Variants in SOCS5 observed in about 807,000 individuals in gnomAD.
SOCS5 encodes the protein CIS-6.
In SOCS5, 32 loss-of-function variants were observed where a neutral mutation model predicts 42.8. That is an observed-to-expected ratio of 0.75 (90% CI 0.56 to 1.01). The LOEUF is 1.01. Among genes scored for constraint, SOCS5 ranks in the 50% least tolerant of loss-of-function variants. The probability of loss-of-function intolerance (pLI) is 0.00; values close to 1 mark genes in which losing one functional copy is unlikely to be tolerated. For missense variants in SOCS5, 627 were observed against 653.0 expected (o/e 0.96, Z 0.43); for synonymous variants, 283 against 229.6 (o/e 1.23, Z -2.10).
intron 1 of SOCS5, among the ~76,000 whole-genome samples, chr2:46,738,896 G>A (rs544532798): frequency 2.6e-5 from 4 of 152,194 alleles, no homozygotes; most frequent in African/African-American, 9.7e-5. Flanking sequence ...TTTGCTAGCA[G>A]TAAGTAAGAT....
chr2:46,729,282 T>C (rs1019844522), intron 1 of SOCS5, among the ~76,000 whole-genome samples: 3 of 152,194 alleles, frequency 2.0e-5, no homozygotes, highest in Non-Finnish European at 4.4e-5. Context: ...AAAATATAAA[T>C]ACTGTGACTT....
intron 1 of SOCS5, among the ~76,000 whole-genome samples, chr2:46,730,638 A>G: frequency 6.6e-6 from 1 of 152,144 alleles, no homozygotes; most frequent in Admixed American, 6.5e-5. Flanking sequence ...AATGGGTCCT[A>G]TTTCATACAA....
chr2:46,726,088 T>G (rs990281387), intron 1 of SOCS5, among the ~76,000 whole-genome samples: 1 of 152,130 alleles, frequency 6.6e-6, no homozygotes, highest in Middle Eastern at 3.2e-3. Flanking sequence ...TTGGGTTTAT[T>G]TAAAAATTTA....
chr2:46,749,607 A>G (rs1259469790), intron 1 of SOCS5, among the ~76,000 whole-genome samples: 1 of 152,208 alleles, frequency 6.6e-6, no homozygotes, highest in Non-Finnish European at 1.5e-5. Context: ...AGTGTACAGT[A>G]TCTATAGAGC....
chr2:46,749,307 A>G lies in SOCS5; in HGVS notation c.-12-9212A>G, dbSNP rs1572846197. Reference sequence around the variant, plus strand: ...ACATGCTTTGGATTGGTTGTATATCAGAAGCTATGATTTTTGTCGCCCTAT... The same window carrying G: ...ACATGCTTTGGATTGGTTGTATATCGGAAGCTATGATTTTTGTCGCCCTAT... On this transcript the variant is annotated intron_variant, in intron 1 of 1. Transcript: ENST00000394861. Among the ~76,000 whole-genome samples, 3 of 152,298 alleles carry G rather than the reference A, an allele frequency of 2.0e-5. No homozygotes were observed. In the Middle Eastern group the frequency reaches 0.01, roughly 518 times the overall value.
intron 1 of SOCS5, among the ~76,000 whole-genome samples, chr2:46,738,651 G>T (rs539533517): frequency 6.6e-6 from 1 of 152,290 alleles, no homozygotes; most frequent in Admixed American, 6.5e-5. Context: ...TGTATTTGAG[G>T]AGGTGAAAAT....
rs529693598 is a variant in SOCS5, at chr2:46,730,874, T to C, written c.-12-27645T>C. Among the ~76,000 whole-genome samples the C allele has an allele frequency of 4.6e-5, 7 of 152,302 alleles. No homozygotes were observed. The South Asian group carries it at 1.5e-3, about 32-fold the overall frequency. On this transcript the variant is annotated intron_variant, in intron 1 of 1. Transcript: ENST00000394861. ...TGAAGGTTAATTATGGACCATTGTC[T>C]CTTTTGTGTTACATTTTGGGGTCAG...
chr2:46,756,464 A>T (rs1356942139), intron 1 of SOCS5, among the ~76,000 whole-genome samples: 1 of 152,232 alleles, frequency 6.6e-6, no homozygotes, highest in African/African-American at 2.4e-5. Context: ...GATCCCTTCA[A>T]AAAACAGGCC....
chr2:46,703,013 G>A lies in SOCS5; in HGVS notation c.-13+3564G>A, dbSNP rs41373947. On this transcript the variant is annotated intron_variant, in intron 1 of 1. Coordinates refer to ENST00000394861, the MANE Select transcript of SOCS5 (RefSeq NM_144949.3). ...GCATCTTTGCCTTCTGTCACAATAT[G>A]TAACTTCTTATCTGTCATGCAAGAG... Among the ~76,000 whole-genome samples the A allele has an allele frequency of 1.5e-3, 233 of 152,212 alleles. 1 individual carries two copies. The highest frequency in any genetic ancestry group is 5.4e-3 in the African/African-American group (225 of 41,524).
chr2:46,716,110 CCT>C (rs1491398278), intron 1 of SOCS5, among the ~76,000 whole-genome samples: 3 of 107,220 alleles, frequency 2.8e-5, no homozygotes, highest in Non-Finnish European at 5.4e-5. Flanking sequence ...AGACACCCCC[CCT>C]TTTTTTTTTT....
chr2:46,757,802 G>T (rs934380955), intron 1 of SOCS5, among the ~76,000 whole-genome samples: 4 of 152,058 alleles, frequency 2.6e-5, no homozygotes, highest in African/African-American at 9.7e-5. Context: ...GGATGTGGAG[G>T]TTGCAGTGAG....
At chr2:46,753,537 G>A (rs1362095177) in intron 1 of SOCS5, among the ~76,000 whole-genome samples, 4 of 152,078 alleles carry the variant, frequency 2.6e-5, no homozygotes, top group Admixed American at 2.6e-4. Context: ...AAAGGGGTTC[G>A]ATCCAGACCC....
chr2:46,721,816 G>T (rs934960499), intron 1 of SOCS5, among the ~76,000 whole-genome samples: 8 of 152,120 alleles, frequency 5.3e-5, no homozygotes, highest in African/African-American at 1.7e-4. Flanking sequence ...GCCTTCTTAG[G>T]ATGGTTTTAC....
chr2:46,749,622 T>C (rs1673581296), intron 1 of SOCS5, among the ~76,000 whole-genome samples: 1 of 152,100 alleles, frequency 6.6e-6, no homozygotes, highest in Admixed American at 6.5e-5. Flanking sequence ...TAGAGCAAAA[T>C]TTAAATTGTG....
intron 1 of SOCS5, among the ~76,000 whole-genome samples, chr2:46,728,516 CTGTTTACCTG>C (rs1397274305): frequency 6.6e-6 from 1 of 152,126 alleles, no homozygotes; most frequent in Non-Finnish European, 1.5e-5. Context: ...AAGGGTAAAA[CTGTTTACCTG>C]TGTCCATAGA....
intron 1 of SOCS5, among the ~76,000 whole-genome samples, chr2:46,706,964 CGTGA>C (rs1451981078): frequency 6.6e-6 from 1 of 152,124 alleles, no homozygotes; most frequent in Non-Finnish European, 1.5e-5. Context: ...ATAAGGATCA[CGTGA>C]GTAAGTATAT....
chr2:46,719,083 C>T (rs987675044), intron 1 of SOCS5, among the ~76,000 whole-genome samples: 1 of 152,090 alleles, frequency 6.6e-6, no homozygotes, highest in Non-Finnish European at 1.5e-5. Context: ...AAAACTATTA[C>T]AAATCATGTT....
intron 1 of SOCS5, among the ~76,000 whole-genome samples, chr2:46,721,093 T>C (rs1464578199): frequency 3.3e-5 from 5 of 152,332 alleles, no homozygotes; most frequent in Middle Eastern, 6.8e-3. Flanking sequence ...TTGAGACTTA[T>C]CTAAGAGCAT....
At chr2:46,717,406 A>G (rs1328360242) in intron 1 of SOCS5, among the ~76,000 whole-genome samples, 5 of 152,092 alleles carry the variant, frequency 3.3e-5, no homozygotes, top group African/African-American at 9.7e-5. Flanking sequence ...CTAGTTTTCT[A>G]CTTGTTTGTA....
Sources: allele counts gnomAD v4.1 joint callset (sites outside exome capture counted in the v4.1 genomes callset), GRCh38; gene constraint gnomAD v4.1.1; transcripts MANE v1.5; gene names NCBI Gene and HGNC (gene_info 2026-07-23, HGNC 2026-07-21).